EEFSEC: variants seen among roughly 807,000 people sequenced by gnomAD.
The protein encoded by EEFSEC is eukaryotic elongation factor, selenocysteine-tRNA specific.
Under a neutral mutation model 42.1 loss-of-function variants are expected in EEFSEC, and 43 were observed. The observed-to-expected ratio is 1.02, with a 90% CI of 0.80 to 1.32. The LOEUF (loss-of-function observed/expected upper bound fraction) is 1.32, where lower values mean the gene tolerates loss of function less well. EEFSEC is among the 40% of genes most tolerant of loss of function. The pLI is 0.00. For synonymous variants in EEFSEC, 354 were observed against 339.1 expected (o/e 1.04, Z -0.48); for missense variants, 745 against 803.6 (o/e 0.93, Z 0.88).
intron 1 of EEFSEC, among the ~76,000 whole-genome samples, chr3:128,230,563 G>A (rs757081309): frequency 7.2e-5 from 11 of 152,186 alleles, no homozygotes; most frequent in Non-Finnish European, 1.0e-4. Context: ...AGGCTCAAGA[G>A]CACTCATAAT....
rs1041948958 is a variant in EEFSEC at position 128,202,259 on chromosome 3, A to C, written c.317-44577A>C. On this transcript the variant is annotated intron_variant, in intron 1 of 6. Coordinates refer to ENST00000254730, the MANE Select transcript of EEFSEC (RefSeq NM_021937.5). ...GGGATTATGATTGGGATTACATTGA[A>C]TCTATACTATAGCTCAATCGAGGGA... 7.9e-5 allele frequency among the ~76,000 whole-genome samples: 12 copies of C among 152,304 alleles called. 1 individual carries two copies. In the Middle Eastern group the frequency reaches 0.01, roughly 130 times the overall value.
chr3:128,407,207 G>A (rs2068125626), intron 6 of EEFSEC, among the ~76,000 whole-genome samples: 2 of 152,234 alleles, frequency 1.3e-5, no homozygotes, highest in South Asian at 4.1e-4. Context: ...TCAGCTGGAG[G>A]GAGTTGAACA....
At chr3:128,399,440 G>A (rs995195676) in intron 6 of EEFSEC, among the ~76,000 whole-genome samples, 20 of 152,344 alleles carry the variant, frequency 1.3e-4, no homozygotes, top group South Asian at 1.2e-3. Context: ...CCGCTCCGCC[G>A]CCTGCTTCCC....
chr3:128,245,961 A>T (rs1460731066), intron 1 of EEFSEC, among the ~76,000 whole-genome samples: 1 of 152,174 alleles, frequency 6.6e-6, no homozygotes, highest in Admixed American at 6.5e-5. Flanking sequence ...GAAATGCTTC[A>T]TGGGCATTCT....
chr3:128,233,045 C>G (rs531762714), intron 1 of EEFSEC, among the ~76,000 whole-genome samples: 1 of 152,210 alleles, frequency 6.6e-6, no homozygotes, highest in Non-Finnish European at 1.5e-5. Flanking sequence ...TAAGCTGATG[C>G]CTGGCGCATC....
intron 6 of EEFSEC, among the ~76,000 whole-genome samples, chr3:128,364,678 A>G (rs1450167054): frequency 6.6e-6 from 1 of 152,158 alleles, no homozygotes; most frequent in Admixed American, 6.5e-5. Context: ...TGACTCTGCC[A>G]GTGCTCAAGC....
At chr3:128,384,849 G>A (rs1489807718) in intron 6 of EEFSEC, among the ~76,000 whole-genome samples, 1 of 152,290 alleles carries the variant, frequency 6.6e-6, no homozygotes, top group African/African-American at 2.4e-5. Context: ...TTCCACAGAG[G>A]AAATTACTGA....
At chr3:128,169,921 G>A (rs1368725359) in intron 1 of EEFSEC, among the ~76,000 whole-genome samples, 1 of 152,134 alleles carries the variant, frequency 6.6e-6, no homozygotes, top group Non-Finnish European at 1.5e-5. Context: ...CCTTTCCTGC[G>A]GGGCTGCCTC....
chr3:128,195,736 T>C (rs1480215609), intron 1 of EEFSEC, among the ~76,000 whole-genome samples: 1 of 152,162 alleles, frequency 6.6e-6, no homozygotes, highest in African/African-American at 2.4e-5. Context: ...GAAGATAGGT[T>C]GGGGCTTGGG....
intron 4 of EEFSEC, among the ~76,000 whole-genome samples, chr3:128,274,515 C>T (rs745832562): frequency 7.2e-5 from 11 of 152,184 alleles, no homozygotes; most frequent in Non-Finnish European, 1.5e-4. Context: ...TGGACATCCC[C>T]TGTAGAAGCC....
intron 4 of EEFSEC, among the ~76,000 whole-genome samples, chr3:128,308,310 G>A (rs1187149519): frequency 1.3e-5 from 2 of 152,220 alleles, no homozygotes; most frequent in Non-Finnish European, 2.9e-5. Context: ...AGTCCTTCTT[G>A]GTGCCAGCTT....
rs183230353 is a variant in EEFSEC at position 128,378,347 on chromosome 3, G to A, written c.1600+19974G>A. Among the ~76,000 whole-genome samples, 437 of 152,312 alleles carry A rather than the reference G, an allele frequency of 2.9e-3. 1 individual carries two copies. Among genetic ancestry groups the A allele is most frequent in the Non-Finnish European group, 4.7e-3 (318 of 68,020 alleles). On this transcript the variant is annotated intron_variant, in intron 6 of 6. Coordinates refer to ENST00000254730, the MANE Select transcript of EEFSEC (RefSeq NM_021937.5). ...TCCATCTGAGGCCCTTCAGGAGGGA[G>A]CCACCACCCAGAAGAGTAGGGGAGG... is the stretch of plus-strand genomic sequence containing the variant.
At chr3:128,248,952 C>T (rs1485938890) in intron 2 of EEFSEC, among the ~76,000 whole-genome samples, 8 of 152,230 alleles carry the variant, frequency 5.3e-5, no homozygotes, top group Admixed American at 1.3e-4. Context: ...TCATCCAGCA[C>T]CAGCAGGCTG....
chr3:128,160,811 C>T (rs1388880891), intron 1 of EEFSEC, among the ~76,000 whole-genome samples: 3 of 152,082 alleles, frequency 2.0e-5, no homozygotes, highest in Non-Finnish European at 4.4e-5. Context: ...CGCGCGCACA[C>T]ACACACACAC....
chr3:128,366,225 C>T (rs572616070), intron 6 of EEFSEC, among the ~76,000 whole-genome samples: 2 of 152,330 alleles, frequency 1.3e-5, no homozygotes, highest in Admixed American at 1.3e-4. Flanking sequence ...AACTATGGTT[C>T]TAAGAAATGG....
chr3:128,383,267 A>G (rs994497684), intron 6 of EEFSEC, among the ~76,000 whole-genome samples: 2 of 152,160 alleles, frequency 1.3e-5, no homozygotes, highest in Admixed American at 6.5e-5. Context: ...AACTCACACC[A>G]TGCTGGACCC....
At chr3:128,326,704 G>A (rs1441217430) in intron 4 of EEFSEC, among the ~76,000 whole-genome samples, 2 of 152,178 alleles carry the variant, frequency 1.3e-5, no homozygotes, top group Non-Finnish European at 1.5e-5. Flanking sequence ...TGAGTAAACT[G>A]ATTGGAACTG....
At chr3:128,337,521 C>G (rs1234650525) in intron 4 of EEFSEC, among the ~76,000 whole-genome samples, 4 of 152,188 alleles carry the variant, frequency 2.6e-5, no homozygotes, top group Non-Finnish European at 5.9e-5. Flanking sequence ...ACACAAGGAT[C>G]TCGCTCAAGC....
intron 1 of EEFSEC, among the ~76,000 whole-genome samples, chr3:128,206,969 C>T (rs1420534654): frequency 1.3e-5 from 2 of 152,210 alleles, no homozygotes; most frequent in Non-Finnish European, 2.9e-5. Context: ...CAGACCCAGA[C>T]TGGCCCGTGC....
Sources: gnomAD v4.1 joint callset for allele counts (sites outside exome capture counted in the v4.1 genomes callset) on GRCh38, gnomAD v4.1.1 for gene constraint, MANE v1.5 for transcripts, NCBI Gene and HGNC (gene_info 2026-07-23, HGNC 2026-07-21) for gene names.